The following FAM151B variants were observed in gnomAD, a reference collection of about 807,000 sequenced individuals.
FAM151B encodes the protein family with sequence similarity 151 member B, also known as protein FAM151B.
A neutral mutation model predicts 31.2 loss-of-function variants in FAM151B; 24 were observed. The observed-to-expected ratio is 0.77, with a 90% CI of 0.56 to 1.08. The LOEUF (loss-of-function observed/expected upper bound fraction) is 1.08, where lower values mean the gene tolerates loss of function less well. Among genes scored for constraint, FAM151B ranks in the 50% least tolerant of loss-of-function variants. The pLI is 0.00. For missense variants in FAM151B, 293 were observed against 328.6 expected, an observed-to-expected ratio of 0.89 and a Z score of 0.84; for synonymous variants, 105 against 111.4, an observed-to-expected ratio of 0.94 and a Z score of 0.36.
chr5:80,526,464 A>T (rs1428429548), intron 5 of FAM151B, among the ~76,000 whole-genome samples: 2 of 151,556 alleles, frequency 1.3e-5, no homozygotes, highest in African/African-American at 4.9e-5. Flanking sequence ...AAAAAAAAAA[A>T]AAAAAATTAG....
intron 2 of FAM151B, among the ~76,000 whole-genome samples, chr5:80,508,613 A>G (rs1744070464): frequency 1.3e-5 from 2 of 152,158 alleles, no homozygotes; most frequent in Non-Finnish European, 2.9e-5. Context: ...CCCTGCCTGT[A>G]GAAATTTGGG....
intron 1 of FAM151B, among the ~76,000 whole-genome samples, chr5:80,492,229 G>C (rs1343181551): frequency 6.6e-6 from 1 of 151,710 alleles, no homozygotes; most frequent in Non-Finnish European, 1.5e-5. Context: ...GAGCAAGTCT[G>C]TTGGTGCTGT....
At chr5:80,521,116 CTTTTTTTTTTT>C (rs57212651) in intron 4 of FAM151B, among the ~76,000 whole-genome samples, 3 of 71,882 alleles carry the variant, frequency 4.2e-5, no homozygotes, top group African/African-American at 1.7e-4. Flanking sequence ...TGCACCTGGC[CTTTTTTTTTTT>C]TTTTTTTTTT....
chr5:80,521,018 T>G (rs1367910308), intron 4 of FAM151B, among the ~76,000 whole-genome samples: 1 of 151,270 alleles, frequency 6.6e-6, no homozygotes, highest in African/African-American at 2.4e-5. Context: ...GGTTTCACCA[T>G]GTTGGCCAGG....
chr5:80,497,685 T>C (rs1672019582), intron 1 of FAM151B, among the ~76,000 whole-genome samples: 1 of 151,894 alleles, frequency 6.6e-6, no homozygotes, highest in South Asian at 2.1e-4. Flanking sequence ...AGAGTCCTGG[T>C]ATTTTATTAT....
chr5:80,534,358 C>G (rs753099701), intron 5 of FAM151B, among the ~76,000 whole-genome samples: 8 of 151,498 alleles, frequency 5.3e-5, no homozygotes, highest in Non-Finnish European at 7.4e-5. Context: ...AAATCCTTGG[C>G]AAAATACTAG....
At chr5:80,508,544 T>C (rs1051539077) in intron 2 of FAM151B, among the ~76,000 whole-genome samples, 15 of 152,162 alleles carry the variant, frequency 9.9e-5, no homozygotes, top group Non-Finnish European at 1.6e-4. Context: ...TGAGCATCTC[T>C]TTGTGTGCTT....
At chr5:80,496,775 T>C (rs1055457284) in intron 1 of FAM151B, among the ~76,000 whole-genome samples, 161 of 150,708 alleles carry the variant, frequency 1.1e-3, no homozygotes, top group Non-Finnish European at 1.6e-3. Context: ...GGGGATGATA[T>C]GGGAACTTTG....
In FAM151B at chr5:80,519,787, C is replaced by A. The variant is rs200214780; in HGVS notation, c.412C>A (p.Pro138Thr). ...GATTAATGCCGATATTCTTCCTGGT[C>A]CAAATGGAAATAGCAAAGTAATAGA... ...VWINADILPG[P>T]NGNSKVIDAK... Residue 138 changes from proline to threonine, a missense_variant, in exon 4 of 6, where the codon CCA becomes ACA. Physicochemically the swap from Pro to Thr is conservative, Grantham distance 38. Transcript: ENST00000282226. 15 of 1,613,962 alleles carry A rather than the reference C, an allele frequency of 9.3e-6. No homozygotes were observed. Among genetic ancestry groups the A allele is most frequent in the Middle Eastern group, 3.3e-4 (2 of 6,080 alleles).
At chr5:80,505,612 T>C (rs2112612975) in intron 2 of FAM151B, among the ~76,000 whole-genome samples, 1 of 151,862 alleles carries the variant, frequency 6.6e-6, no homozygotes, top group South Asian at 2.1e-4. Flanking sequence ...GCCAGGATGG[T>C]CTCGATCTCC....
rs1292850168 is a variant in FAM151B, at chr5:80,541,671, AG to A, written c.672del. The A allele has an allele frequency of 3.1e-6, 5 of 1,612,402 alleles. No homozygotes were observed. The African/African-American group carries it at 6.7e-5, about 22-fold the overall frequency. ...GTATAATTCTGTTTTATTTCAATGC[AG>A]GTACAGCCTGACTATTTGGACTGGA... On this transcript the variant is annotated splice_acceptor_variant, in intron 5 of 5. Coordinates refer to ENST00000282226, the MANE Select transcript of FAM151B (RefSeq NM_205548.3). LOFTEE classifies it high-confidence loss of function.
At chr5:80,533,749 CA>C (rs71601590) in intron 5 of FAM151B, among the ~76,000 whole-genome samples, 6,519 of 67,158 alleles carry the variant, frequency 0.097, 73 homozygotes, top group Middle Eastern at 0.14. Context: ...GACTCCATCT[CA>C]AAAAAAAAAA....
intron 5 of FAM151B, among the ~76,000 whole-genome samples, chr5:80,539,406 C>T (rs148231851): frequency 1.3e-4 from 20 of 151,812 alleles, no homozygotes; most frequent in Non-Finnish European, 2.2e-4. Context: ...TCTTTTTGTT[C>T]GCTTTGAATA....
chr5:80,534,508 T>C (rs1156875455), intron 5 of FAM151B, among the ~76,000 whole-genome samples: 1 of 152,176 alleles, frequency 6.6e-6, no homozygotes, highest in African/African-American at 2.4e-5. Flanking sequence ...ACAAAAACCA[T>C]ATGATCATTT....
At chr5:80,529,292 T>G (rs1376161762) in intron 5 of FAM151B, among the ~76,000 whole-genome samples, 2 of 152,054 alleles carry the variant, frequency 1.3e-5, no homozygotes, top group African/African-American at 4.8e-5. Context: ...GCAGGAAAGA[T>G]CTAAAATTGG....
Position 80,492,420 on chromosome 5 carries a change from A to T in FAM151B, c.25+4272A>T, listed in dbSNP as rs535255948. ...ACTTAATCTGTAAATGTGGTGTGTG[A>T]GCCTTGCTGGCTTGGGCAGTGCATG... On this transcript the variant is annotated intron_variant, in intron 1 of 5. Coordinates refer to ENST00000282226, the MANE Select transcript of FAM151B (RefSeq NM_205548.3). 5.3e-5 allele frequency among the ~76,000 whole-genome samples: 8 copies of T among 152,306 alleles called. No individual in the cohort carries two copies. The East Asian group carries it at 1.3e-3, about 26-fold the overall frequency.
intron 5 of FAM151B, among the ~76,000 whole-genome samples, chr5:80,528,803 C>T (rs1385464567): frequency 2.0e-5 from 3 of 152,100 alleles, no homozygotes; most frequent in Non-Finnish European, 2.9e-5. Flanking sequence ...CGTTAACATC[C>T]CACTGTCAAC....
chr5:80,527,426 T>A (rs1056262185), intron 5 of FAM151B, among the ~76,000 whole-genome samples: 17 of 147,634 alleles, frequency 1.2e-4, no homozygotes, highest in South Asian at 4.3e-4. Flanking sequence ...CTGTCTCAAT[T>A]AAAAAAAAAA....
At chr5:80,493,903 C>T (rs1473080778) in intron 1 of FAM151B, among the ~76,000 whole-genome samples, 1 of 152,136 alleles carries the variant, frequency 6.6e-6, no homozygotes, top group South Asian at 2.1e-4. Context: ...TGTTCATACA[C>T]CCCCTCCCCT....
Sources: gnomAD v4.1 joint callset for allele counts (sites outside exome capture counted in the v4.1 genomes callset) on GRCh38, gnomAD v4.1.1 for gene constraint, MANE v1.5 for transcripts, NCBI Gene and HGNC (gene_info 2026-07-23, HGNC 2026-07-21) for gene names.